The following CCDC144A variants were observed in gnomAD, a reference collection of about 807,000 sequenced individuals.
The protein encoded by CCDC144A is coiled-coil domain containing 144A, also known as coiled-coil domain-containing protein 144A.
In CCDC144A, 41 loss-of-function variants were observed where a neutral mutation model predicts 143.8. That is an observed-to-expected ratio of 0.29 (90% CI 0.22 to 0.37). The LOEUF is 0.37. Among genes scored for constraint, CCDC144A ranks in the 10% least tolerant of loss-of-function variants. The pLI is 1.00. For missense variants in CCDC144A, 637 were observed against 1,488.8 expected (o/e 0.43, Z 9.41); for synonymous variants, 242 against 517.9 (o/e 0.47, Z 7.23).
At chr17:16,685,431 G>A (rs1250548062), upstream of CCDC144A, among the ~76,000 whole-genome samples, 1 of 152,032 alleles carries the variant, frequency 6.6e-6, no homozygotes, top group Non-Finnish European at 1.5e-5. Context: ...CCAGACTGGA[G>A]TGCAAATGGC....
At chr17:16,755,391 TG>T (rs1315209900) in intron 12 of CCDC144A, among the ~76,000 whole-genome samples, 4 of 152,268 alleles carry the variant, frequency 2.6e-5, no homozygotes, top group Non-Finnish European at 5.9e-5. Flanking sequence ...TTTTCAGTTC[TG>T]TACCTGCTCT....
chr17:16,679,088 C>T, the CCDC144A span, among the ~76,000 whole-genome samples: 5 of 149,358 alleles, frequency 3.3e-5, no homozygotes, highest in African/African-American at 1.2e-4. Flanking sequence ...GTAGAGATGG[C>T]GGGGGGGGGT....
upstream of CCDC144A, among the ~76,000 whole-genome samples, chr17:16,689,135 CCTTTCTTTCTTCCTTT>C (rs910714500): frequency 2.0e-5 from 3 of 152,086 alleles, no homozygotes; most frequent in African/African-American, 7.2e-5. Flanking sequence ...ACCCTTCCTT[CCTTTCTTTCTTCCTTT>C]CTTCCTTCCT....
intron 2 of CCDC144A, among the ~76,000 whole-genome samples, chr17:16,698,683 A>C (rs886909984): frequency 2.6e-5 from 4 of 152,180 alleles, no homozygotes; most frequent in African/African-American, 4.8e-5. Flanking sequence ...ATGCATTCCC[A>C]AACAAACATC....
chr17:16,703,600 C>G (rs1046375890), intron 2 of CCDC144A, among the ~76,000 whole-genome samples: 3 of 152,042 alleles, frequency 2.0e-5, no homozygotes, highest in Non-Finnish European at 4.4e-5. Context: ...GTCAGGAGAT[C>G]GAGACCATCC....
At chr17:16,746,780 G>C in intron 12 of CCDC144A, 2 of 1,573,184 alleles carry the variant, frequency 1.3e-6, no homozygotes, top group South Asian at 1.1e-5. Flanking sequence ...GCGCGCGGCC[G>C]TTCCCACCGG....
At chr17:16,703,147 C>T in intron 2 of CCDC144A, among the ~76,000 whole-genome samples, 1 of 152,154 alleles carries the variant, frequency 6.6e-6, no homozygotes, top group Non-Finnish European at 1.5e-5. Context: ...TAGAGGGAAC[C>T]AACACCCTGA....
At chr17:16,701,865 A>T (rs1597535837) in intron 2 of CCDC144A, among the ~76,000 whole-genome samples, 1 of 149,338 alleles carries the variant, frequency 6.7e-6, no homozygotes, top group Non-Finnish European at 1.5e-5. Context: ...ATGGGTCCAG[A>T]TAGACTCTAG....
chr17:16,743,687 CTCTT>C (rs1338987620), intron 12 of CCDC144A, among the ~76,000 whole-genome samples: 3 of 152,000 alleles, frequency 2.0e-5, no homozygotes, highest in African/African-American at 7.3e-5. Flanking sequence ...CTTATTCTTT[CTCTT>C]TCTTAACTTT....
the CCDC144A span, among the ~76,000 whole-genome samples, chr17:16,676,496 G>A: frequency 6.7e-6 from 1 of 149,726 alleles, no homozygotes; most frequent in Non-Finnish European, 1.5e-5. Context: ...GGGTGACAGA[G>A]CGGGACTCCG....
chr17:16,771,627 G>A (rs1915826106), intron 15 of CCDC144A, among the ~76,000 whole-genome samples: 1 of 152,244 alleles, frequency 6.6e-6, no homozygotes. Context: ...ATAAAGGGCA[G>A]AGTTTTGATA....
intron 11 of CCDC144A, among the ~76,000 whole-genome samples, chr17:16,733,958 C>T (rs1288289098): frequency 5.3e-5 from 8 of 151,986 alleles, no homozygotes; most frequent in Middle Eastern, 6.8e-3. Flanking sequence ...GGCAGCATGG[C>T]GAAACCCCAT....
chr17:16,668,820 A>G, the CCDC144A span, among the ~76,000 whole-genome samples: 1 of 152,174 alleles, frequency 6.6e-6, no homozygotes, highest in Non-Finnish European at 1.5e-5. Flanking sequence ...ACAATGGCTG[A>G]TTTGGTTCTT....
At chr17:16,703,581 G>A (rs1911855446) in intron 2 of CCDC144A, among the ~76,000 whole-genome samples, 1 of 152,196 alleles carries the variant, frequency 6.6e-6, no homozygotes, top group Non-Finnish European at 1.5e-5. Flanking sequence ...AAGGCGGGCG[G>A]ATTACGAGGT....
chr17:16,721,914 C>G (rs1255512687), intron 8 of CCDC144A, among the ~76,000 whole-genome samples: 12 of 152,198 alleles, frequency 7.9e-5, no homozygotes, highest in Admixed American at 7.9e-4. Context: ...TTTACTTCTT[C>G]TTTTCAACTC....
chr17:16,710,391 A>G (rs1255634098), intron 5 of CCDC144A: 1 of 152,492 alleles, frequency 6.6e-6, no homozygotes, highest in Non-Finnish European at 1.5e-5. Context: ...AAGAAAAGAA[A>G]AAAGAAGTAT....
intron 5 of CCDC144A, 105 bp from the exon 6 acceptor site, chr17:16,711,574 A>G: frequency 2.6e-6 from 4 of 1,543,454 alleles, no homozygotes; most frequent in Non-Finnish European, 3.5e-6. Flanking sequence ...CTGAAATTAT[A>G]ATTAAACTGA....
intron 11 of CCDC144A, among the ~76,000 whole-genome samples, chr17:16,733,480 G>C (rs1913846994): frequency 6.7e-6 from 1 of 150,360 alleles, no homozygotes; most frequent in African/African-American, 2.4e-5. Context: ...CTCCAGCCTG[G>C]GTAACAGTGC....
intron 2 of CCDC144A, among the ~76,000 whole-genome samples, chr17:16,694,564 G>A (rs1033756175): frequency 7.2e-5 from 11 of 152,220 alleles, no homozygotes; most frequent in African/African-American, 2.6e-4. Flanking sequence ...GACAGAGTGA[G>A]ACCCTGTCTC....
Sources: gnomAD v4.1 joint callset for allele counts (sites outside exome capture counted in the v4.1 genomes callset) on GRCh38, gnomAD v4.1.1 for gene constraint, MANE v1.5 for transcripts, NCBI Gene and HGNC (gene_info 2026-07-23, HGNC 2026-07-21) for gene names.